The following CRTAP variants were observed in gnomAD, a reference collection of about 807,000 sequenced individuals.
CRTAP encodes the protein cartilage associated protein, also known as cartilage-associated protein.
Under a neutral mutation model 42.7 loss-of-function variants are expected in CRTAP, and 33 were observed. The observed-to-expected ratio is 0.77, with a 90% confidence interval of 0.59 to 1.03. The LOEUF (loss-of-function observed/expected upper bound fraction) is 1.03. Among genes scored for constraint, CRTAP ranks in the 50% least tolerant of loss-of-function variants. The probability of loss-of-function intolerance (pLI) is 0.00; values close to 1 mark genes in which losing one functional copy is unlikely to be tolerated. For missense variants in CRTAP, 613 were observed against 533.9 expected (o/e 1.15, Z -1.46); for synonymous variants, 243 against 217.7 (o/e 1.12, Z -1.02).
In CRTAP at chr3:33,147,521, C is replaced by T. The variant is rs2030753796; in HGVS notation, c.*5073C>T. 6.6e-6 allele frequency: 1 copy of T among 152,208 alleles called. No homozygotes were observed. The highest frequency in any genetic ancestry group is 2.4e-5 in the African/African-American group (1 of 41,418). The allele number at this position is 152,208 out of a possible 1,614,324, so 9.4% of individuals were successfully genotyped here. Reference sequence around the variant, plus strand: ...GGTAAGATATTAGTGCCTCATTTTACAAGAAGAGAATAGGAAGGAATTAAG... The same window carrying T: ...GGTAAGATATTAGTGCCTCATTTTATAAGAAGAGAATAGGAAGGAATTAAG... On this transcript the variant is annotated 3_prime_UTR_variant, in exon 7 of 7. Transcript: ENST00000320954.
At chr3:33,127,605 G>A (rs575735278) in intron 3 of CRTAP, among the ~76,000 whole-genome samples, 24 of 149,496 alleles carry the variant, frequency 1.6e-4, no homozygotes, top group African/African-American at 4.7e-4. Flanking sequence ...GCACCAACAC[G>A]TCTGGCTAAT....
intron 1 of CRTAP, among the ~76,000 whole-genome samples, chr3:33,116,519 C>T (rs779223793): frequency 1.3e-5 from 2 of 152,138 alleles, no homozygotes; most frequent in Non-Finnish European, 2.9e-5. Context: ...CCACCACACC[C>T]AGCTAATTTT....
rs759181527 is a variant in CRTAP at position 33,114,372 on chromosome 3, G to T, written c.295G>T (p.Gly99Cys). 3 of 1,524,580 alleles carry T rather than the reference G, an allele frequency of 2.0e-6. No individual in the cohort carries two copies. The highest frequency in any genetic ancestry group is 2.8e-5 in the African/African-American group (2 of 70,290). The allele number at this position is 1,524,580 out of a possible 1,614,324, so 94.4% of individuals were successfully genotyped here. The change falls in exon 1 of 7, where the codon GGC (glycine) becomes TGC (cysteine). Residue 99 changes from glycine (G) to cysteine (C), a missense_variant. By Grantham distance (159) the Gly-to-Cys change is radical (BLOSUM62 -3). Coordinates refer to ENST00000320954, the MANE Select transcript of CRTAP (RefSeq NM_006371.5). Reference protein sequence around the residue: ...SAAPQPEPAAGLASYPELRLF... With the variant: ...SAAPQPEPAACLASYPELRLF... ...CGCGCCGCAGCCCGAGCCCGCCGCC[G>T]GCCTCGCCAGCTATCCCGAGCTGCG...
chr3:33,123,879 A>G (rs909130239), intron 2 of CRTAP, among the ~76,000 whole-genome samples: 2 of 152,162 alleles, frequency 1.3e-5, no homozygotes, highest in Non-Finnish European at 2.9e-5. Flanking sequence ...ACAGACTAAT[A>G]TACCTGCTCT....
At chr3:33,114,813 C>T (rs891045517) in intron 1 of CRTAP, among the ~76,000 whole-genome samples, 1 of 152,350 alleles carries the variant, frequency 6.6e-6, no homozygotes, top group East Asian at 1.9e-4. Flanking sequence ...CAACAAAGTG[C>T]CTGATAAATG....
In CRTAP at chr3:33,124,518, C is replaced by T. The variant is rs149119710; in HGVS notation, c.732C>T (p.Leu244=). The T allele has an allele frequency of 2.6e-3, 4,229 of 1,614,206 alleles. 3 individuals carry two copies. The highest frequency in any genetic ancestry group is 3.3e-3 in the Non-Finnish European group (3,837 of 1,180,046). The stretch of plus-strand genomic sequence containing the variant: ...TCTTCAAAGCCTTTTACGAGTGTCT[C>T]GCAGCCTGCGAGGGTTCCAGGGAGA... The part of the protein sequence containing the change: ...PDFFKAFYEC[L]AACEGSREIK... Residue 244 remains leucine, a synonymous_variant, in exon 3 of 7, where the codon CTC becomes CTT. Coordinates refer to ENST00000320954, the MANE Select transcript of CRTAP (RefSeq NM_006371.5).
rs13089820 is a variant in CRTAP, at chr3:33,114,054, C to A, written c.-24C>A. On this transcript the variant is annotated 5_prime_UTR_variant, in exon 1 of 7. Coordinates refer to ENST00000320954, the MANE Select transcript of CRTAP (RefSeq NM_006371.5). ...CCCCTTTTCCCTTCCTTCGTCCCTT[C>A]CTTCCTTCCTTTCGCCGGGCGCGAT... 1 of 1,447,198 alleles carries A rather than the reference C, an allele frequency of 6.9e-7. No individual in the cohort carries two copies. Among genetic ancestry groups the A allele is most frequent in the Non-Finnish European group, 9.1e-7 (1 of 1,103,348 alleles). 89.6% of individuals were successfully genotyped at this position (1,447,198 alleles called of 1,614,324 possible).
chr3:33,124,392 T>C lies in CRTAP; in HGVS notation c.622-16T>C, dbSNP rs147610884. ...CGCCCAAGAGCGAGCTTCACTGGCTTCTCCATGCCTTTCAGAGCCTGTTCA... is the reference window on the plus strand; with the variant it reads ...CGCCCAAGAGCGAGCTTCACTGGCTCCTCCATGCCTTTCAGAGCCTGTTCA... On this transcript the variant is annotated splice_polypyrimidine_tract_variant and intron_variant, in intron 2 of 6. Transcript: ENST00000320954. The C allele has an allele frequency of 3.7e-3, 5,978 of 1,613,764 alleles. 25 individuals carry two copies. Among genetic ancestry groups the C allele is most frequent in the Middle Eastern group, 0.016 (90 of 5,720 alleles).
intron 6 of CRTAP, among the ~76,000 whole-genome samples, chr3:33,139,550 C>T (rs186223509): frequency 6.7e-6 from 1 of 149,088 alleles, no homozygotes; most frequent in Admixed American, 6.8e-5. Flanking sequence ...GATCTCTGCT[C>T]ACTGCAACCT....
chr3:33,135,198 ATGCCTATGTCT>A (rs2030385395), intron 6 of CRTAP, among the ~76,000 whole-genome samples: 1 of 152,220 alleles, frequency 6.6e-6, no homozygotes, highest in Non-Finnish European at 1.5e-5. Flanking sequence ...AAGTGATGCA[ATGCCTATGTCT>A]TGGTTTGGGT....
rs2030725796 is a variant in CRTAP, at chr3:33,146,450, G to A, written c.*4002G>A. On this transcript the variant is annotated 3_prime_UTR_variant, in exon 7 of 7. Coordinates refer to ENST00000320954, the MANE Select transcript of CRTAP (RefSeq NM_006371.5). ...GTGGCCACTGCTACTGTTCACACTT[G>A]ACTTGTGGAGAAGCGAAGGGCTGAG... The A allele has an allele frequency of 6.6e-6, 1 of 152,300 alleles. No individual in the cohort carries two copies. The highest frequency in any genetic ancestry group is 6.5e-5 in the Admixed American group (1 of 15,284). The allele number at this position is 152,300 out of a possible 1,614,324, so 9.4% of individuals were successfully genotyped here. A position where few individuals can be genotyped will look rare whatever the true frequency, so the allele number is the denominator to read the frequency against.
rs2030296236 is a variant in CRTAP, at chr3:33,132,547, A to G, written c.923-8A>G. On this transcript the variant is annotated splice_polypyrimidine_tract_variant and splice_region_variant and intron_variant, in intron 4 of 6. Transcript: ENST00000320954. ...ATTTCTTCATTTGTCTTTTCTTCCC[A>G]ACCCTAGTGAACGACCTGAAGAATG... The G allele has an allele frequency of 6.2e-7, 1 of 1,613,884 alleles. No homozygotes were observed. The highest frequency in any genetic ancestry group is 1.3e-5 in the African/African-American group (1 of 75,024).
chr3:33,122,292 C>T (rs115504134), intron 2 of CRTAP, among the ~76,000 whole-genome samples: 1,716 of 151,970 alleles, frequency 0.011, 30 homozygotes, highest in African/African-American at 0.038. Flanking sequence ...GCTGCTGCCC[C>T]GCTGCTTCTG....
chr3:33,122,834 C>T (rs1451001743), intron 2 of CRTAP, among the ~76,000 whole-genome samples: 1 of 152,022 alleles, frequency 6.6e-6, no homozygotes, highest in Non-Finnish European at 1.5e-5. Flanking sequence ...CAGCTGAGAA[C>T]TCCAAATGGA....
At position 33,114,501 on chromosome 3, in the gene CRTAP, T is replaced by A. The variant is rs1212795586; in HGVS notation, c.424T>A (p.Phe142Ile). The change falls in exon 1 of 7, where the codon TTC becomes ATC. Residue 142 changes from phenylalanine (F) to isoleucine (I), a missense_variant. Phe to Ile is a conservative substitution (Grantham distance 21). Coordinates refer to ENST00000320954, the MANE Select transcript of CRTAP (RefSeq NM_006371.5). ...GCCCAGCCGCGAGGTGCTGGCGGAC[T>A]TCCAGCGCCGCGAGCCCTACAAGTT... ...SQPSREVLAD[F>I]QRREPYKFLQ... is the part of the protein sequence containing the mutation. 3 of 1,603,994 alleles carry A rather than the reference T, an allele frequency of 1.9e-6. No individual in the cohort carries two copies.
chr3:33,128,481 G>A (rs2030142805), intron 3 of CRTAP, among the ~76,000 whole-genome samples: 1 of 152,152 alleles, frequency 6.6e-6, no homozygotes, highest in Non-Finnish European at 1.5e-5. Flanking sequence ...CATTCAGGTT[G>A]TGTATTTTTG....
In CRTAP at chr3:33,114,165, C is replaced by A. The variant is rs553076085; in HGVS notation, c.88C>A (p.Arg30Ser). The A allele has an allele frequency of 1.1e-4, 178 of 1,588,854 alleles. 1 individual carries two copies. In the Middle Eastern group the frequency reaches 1.4e-3, roughly 12 times the overall value. Residue 30 changes from arginine to serine, a missense_variant, in exon 1 of 7, where the codon CGC becomes AGC. Physicochemically the swap from Arg to Ser is moderately radical, Grantham distance 110. Coordinates refer to ENST00000320954, the MANE Select transcript of CRTAP (RefSeq NM_006371.5). ...GCGCGCCGGGCGCGCCCAATACGAA[C>A]GCTACAGCTTCCGCAGCTTCCCACG... ...ALRAGRAQYE[R>S]YSFRSFPRDE...
chr3:33,129,631 G>A (rs562499326), intron 3 of CRTAP, among the ~76,000 whole-genome samples: 9 of 144,954 alleles, frequency 6.2e-5, no homozygotes, highest in African/African-American at 7.6e-5. Flanking sequence ...TCCACCTTCC[G>A]GGTTCACGCC....
Position 33,114,252 on chromosome 3 carries a change from C to T in CRTAP, c.175C>T (p.His59Tyr). The T allele has an allele frequency of 6.3e-7, 1 of 1,587,766 alleles. No homozygotes were observed. The change falls in exon 1 of 7, where the codon CAC becomes TAC. Residue 59 changes from histidine (H) to tyrosine (Y), a missense_variant. His to Tyr is a moderately conservative substitution (Grantham distance 83). Transcript: ENST00000320954. ...RHALDKYSGE[H>Y]WAESVGYLEI... ...CGCGCTGGACAAGTACAGCGGCGAGCACTGGGCCGAGAGCGTGGGCTACCT... is the reference window on the plus strand; with the variant it reads ...CGCGCTGGACAAGTACAGCGGCGAGTACTGGGCCGAGAGCGTGGGCTACCT...
Sources: allele counts gnomAD v4.1 joint callset (sites outside exome capture counted in the v4.1 genomes callset), GRCh38; gene constraint gnomAD v4.1.1; transcripts MANE v1.5; gene names NCBI Gene and HGNC (gene_info 2026-07-23, HGNC 2026-07-21).